MCOLN2: variants seen among roughly 807,000 people sequenced by gnomAD.
MCOLN2 encodes mucolipin-2.
In MCOLN2, 57 loss-of-function variants were observed where a neutral mutation model predicts 67.5. The ratio of observed to expected loss-of-function variants is 0.84; its 90% CI spans 0.68 to 1.05. MCOLN2 has a LOEUF of 1.05. MCOLN2 is among the 50% of genes least tolerant of loss of function. The probability of loss-of-function intolerance (pLI) is 0.00; values close to 1 mark genes in which losing one functional copy is unlikely to be tolerated. For missense variants in MCOLN2, 620 were observed against 678.8 expected (o/e 0.91, Z 0.96); for synonymous variants, 246 against 233.3 (o/e 1.05, Z -0.50).
intron 1 of MCOLN2, among the ~76,000 whole-genome samples, chr1:84,991,525 A>G (rs2102894015): frequency 6.6e-6 from 1 of 152,312 alleles, no homozygotes; most frequent in South Asian, 2.1e-4. Flanking sequence ...GGCAAAGAAG[A>G]AAACTTTGGT....
At chr1:84,971,809 C>A (rs1195691723) in intron 1 of MCOLN2, 1 of 152,196 alleles carries the variant, frequency 6.6e-6, no homozygotes, top group African/African-American at 2.4e-5. Context: ...TGCCCGTAAT[C>A]CCAGCACTTT....
chr1:84,936,266 A>G (rs1647422758), intron 11 of MCOLN2, among the ~76,000 whole-genome samples: 1 of 152,106 alleles, frequency 6.6e-6, no homozygotes, highest in Non-Finnish European at 1.5e-5. Context: ...TTATCTGAGC[A>G]CCTTCCAGAA....
chr1:84,944,305 C>T (rs187698313), intron 7 of MCOLN2, among the ~76,000 whole-genome samples: 99 of 152,178 alleles, frequency 6.5e-4, no homozygotes, highest in South Asian at 3.7e-3. Context: ...GAGGCCGAGG[C>T]GGGCAGATCA....
At chr1:84,933,096 C>T (rs988668008) in intron 11 of MCOLN2, among the ~76,000 whole-genome samples, 4 of 152,168 alleles carry the variant, frequency 2.6e-5, no homozygotes, top group African/African-American at 9.7e-5. Context: ...ATTCTCCTCA[C>T]CTGCTCTATT....
intron 4 of MCOLN2, among the ~76,000 whole-genome samples, chr1:84,953,474 C>A (rs947126523): frequency 6.6e-6 from 1 of 150,982 alleles, no homozygotes; most frequent in Non-Finnish European, 1.5e-5. Context: ...TGCTTGAACC[C>A]GGGAGGCAGA....
intron 13 of MCOLN2, among the ~76,000 whole-genome samples, chr1:84,927,047 TA>T (rs1004544797): frequency 7.5e-6 from 1 of 132,966 alleles, no homozygotes; most frequent in African/African-American, 2.9e-5. Context: ...TGTTGGGGGG[TA>T]GGGGGAAAGG....
intron 1 of MCOLN2, among the ~76,000 whole-genome samples, chr1:84,971,556 T>A (rs1160117228): frequency 6.8e-6 from 1 of 146,844 alleles, no homozygotes; most frequent in African/African-American, 2.5e-5. Context: ...GATATCTTAT[T>A]GCTATAACAA....
In MCOLN2 at chr1:84,987,568, A is replaced by C. The variant is rs1300571856; in HGVS notation, c.77+9228T>G. 1.1e-3 allele frequency among the ~76,000 whole-genome samples: 99 copies of C among 91,198 alleles called. 7 individuals carry two copies. Among genetic ancestry groups the C allele is most frequent in the African/African-American group, 2.3e-3 (58 of 25,370 alleles). 59.8% of individuals were successfully genotyped at this position (91,198 alleles called of 152,430 possible). On this transcript the variant is annotated intron_variant, in intron 1 of 13. Transcript: ENST00000370608. ...TAGATGTATACATCTATGTATACAT[A>C]GATGTATACATAGATATATACATAT...
intron 1 of MCOLN2, among the ~76,000 whole-genome samples, chr1:84,978,926 C>T (rs144555852): frequency 6.6e-6 from 1 of 152,050 alleles, no homozygotes; most frequent in African/African-American, 2.4e-5. Context: ...AGAGCCAGTC[C>T]GAGTTCTAAA....
chr1:84,995,836 T>C (rs1038959039), intron 1 of MCOLN2, among the ~76,000 whole-genome samples: 1 of 152,068 alleles, frequency 6.6e-6, no homozygotes, highest in African/African-American at 2.4e-5. Flanking sequence ...ATGTTCCTCC[T>C]TCACAGAAAA....
At position 84,976,633 on chromosome 1, in the gene MCOLN2, G is replaced by A. The variant is rs897740911; in HGVS notation, c.78-10925C>T. Among the ~76,000 whole-genome samples, 22 of 152,156 alleles carry A rather than the reference G, an allele frequency of 1.4e-4. 1 individual carries two copies. The highest frequency in any genetic ancestry group is 5.3e-4 in the African/African-American group (22 of 41,440). On this transcript the variant is annotated intron_variant, in intron 1 of 13. Transcript: ENST00000370608. Reference sequence around the variant, plus strand: ...ATATAAAAATTAGCCAGGCATGGTGGCGCAGGCCTGTAATCCCAGCTACTG... The same window carrying A: ...ATATAAAAATTAGCCAGGCATGGTGACGCAGGCCTGTAATCCCAGCTACTG...
chr1:84,987,949 C>G (rs1490346584), intron 1 of MCOLN2, among the ~76,000 whole-genome samples: 1 of 152,040 alleles, frequency 6.6e-6, no homozygotes, highest in Non-Finnish European at 1.5e-5. Context: ...TAAAAGAATA[C>G]AGACTGGGTA....
chr1:84,975,110 G>A (rs532185), intron 1 of MCOLN2, among the ~76,000 whole-genome samples: 53,346 of 152,004 alleles, frequency 0.35, 9,674 homozygotes, highest in African/African-American at 0.42. Flanking sequence ...TCCTGGGGGA[G>A]CTCAGCATCC....
At chr1:84,985,664 T>C (rs1218859527) in intron 1 of MCOLN2, among the ~76,000 whole-genome samples, 1 of 151,970 alleles carries the variant, frequency 6.6e-6, no homozygotes, top group Non-Finnish European at 1.5e-5. Flanking sequence ...GAGAATCAAA[T>C]AAAGAACTCA....
At chr1:84,976,218 A>G (rs1002953093) in intron 1 of MCOLN2, among the ~76,000 whole-genome samples, 2 of 152,308 alleles carry the variant, frequency 1.3e-5, no homozygotes, top group East Asian at 3.9e-4. Flanking sequence ...TAATCCAAAG[A>G]AGACTACCTC....
At position 84,968,375 on chromosome 1, in the gene MCOLN2, A is replaced by T. The variant is rs182791483; in HGVS notation, c.78-2667T>A. On this transcript the variant is annotated intron_variant, in intron 1 of 13. Transcript: ENST00000370608. The stretch of plus-strand genomic sequence containing the variant: ...GTTCTTCATATCCCCGGAAACACCC[A>T]CAGAACTCTGTGTCTTAGGTTCATC... 1.5e-4 allele frequency among the ~76,000 whole-genome samples: 23 copies of T among 152,256 alleles called. No homozygotes were observed. In the East Asian group the frequency reaches 3.9e-3, roughly 26 times the overall value.
chr1:84,979,442 C>A (rs2102876446), intron 1 of MCOLN2, among the ~76,000 whole-genome samples: 1 of 152,212 alleles, frequency 6.6e-6, no homozygotes, highest in Non-Finnish European at 1.5e-5. Context: ...ACTAGCAAAC[C>A]AAATTCAACA....
At chr1:84,977,546 G>T (rs1031037380) in intron 1 of MCOLN2, among the ~76,000 whole-genome samples, 1 of 152,014 alleles carries the variant, frequency 6.6e-6, no homozygotes, top group African/African-American at 2.4e-5. Context: ...GATGGAGAAA[G>T]AAATTCCATG....
intron 11 of MCOLN2, 102 bp downstream of exon 11, chr1:84,937,653 G>C: frequency 1.3e-6 from 2 of 1,519,096 alleles, no homozygotes; most frequent in Non-Finnish European, 1.8e-6. Context: ...CTGATGTCAA[G>C]GGTACATGCT....
Sources: gnomAD v4.1 joint callset for allele counts (sites outside exome capture counted in the v4.1 genomes callset) on GRCh38, gnomAD v4.1.1 for gene constraint, MANE v1.5 for transcripts, NCBI Gene and HGNC (gene_info 2026-07-23, HGNC 2026-07-21) for gene names.